Variants in ST6GAL1 observed in about 807,000 individuals in gnomAD.
ST6GAL1 encodes ST6 beta-galactoside alpha-2,6-sialyltransferase 1.
ST6GAL1 carries 20 observed loss-of-function variants against 38.0 expected under a neutral mutation model. The observed-to-expected ratio is 0.53, with a 90% CI of 0.37 to 0.77. ST6GAL1 has a LOEUF of 0.77. Among genes scored for constraint, ST6GAL1 ranks in the 30% least tolerant of loss-of-function variants. The pLI is 0.00. For synonymous variants in ST6GAL1, 196 were observed against 188.2 expected (o/e 1.04, Z -0.34); for missense variants, 432 against 496.4 (o/e 0.87, Z 1.23).
In ST6GAL1 at chr3:187,073,993, C is replaced by T. The variant is rs566021186; in HGVS notation, c.805-166C>T. Reference sequence around the variant, plus strand: ...CCACCCTGCTATCCAGTGAAACCTGCGGCTGGAAGAGAAACCTGTAGTCTG... The same window carrying T: ...CCACCCTGCTATCCAGTGAAACCTGTGGCTGGAAGAGAAACCTGTAGTCTG... On this transcript the variant is annotated intron_variant, in intron 6 of 7. Transcript: ENST00000169298. 5.1e-5 allele frequency: 29 copies of T among 567,878 alleles called. No homozygotes were observed. In the East Asian group the frequency reaches 7.7e-4, roughly 15 times the overall value. The allele number at this position is 567,878 out of a possible 1,614,324, so 35.2% of individuals were successfully genotyped here. A position where few individuals can be genotyped will look rare whatever the true frequency, so the allele number is the denominator to read the frequency against.
chr3:187,051,460 C>T, intron 5 of ST6GAL1, 114 bp downstream of exon 5: 2 of 843,720 alleles, frequency 2.4e-6, no homozygotes, highest in Non-Finnish European at 3.8e-6. Context: ...TCTTGATCTT[C>T]CTGAGTTCCT....
At chr3:187,024,154 G>A (rs1717432487) in intron 2 of ST6GAL1, among the ~76,000 whole-genome samples, 1 of 151,942 alleles carries the variant, frequency 6.6e-6, no homozygotes, top group East Asian at 1.9e-4. Context: ...GAGTACAGTG[G>A]CATGATCTCT....
Position 187,043,226 on chromosome 3 carries a change from AG to A in ST6GAL1, c.525del (p.Thr176ProfsTer18). The part of the protein sequence containing the change: ...WEGYLPKESI[R>X]TKAGPWGRCA... ...GGGTTATCTGCCCAAGGAGAGCATT[AG>A]GACCAAGGCTGGGCCTTGGGGCAGG... is the stretch of plus-strand genomic sequence containing the variant. On this transcript the variant is annotated frameshift_variant, in exon 4 of 8. Coordinates refer to ENST00000169298, the MANE Select transcript of ST6GAL1 (RefSeq NM_173216.2). LOFTEE classifies it high-confidence loss of function. 6.2e-7 allele frequency: 1 copy of A among 1,614,234 alleles called. No individual in the cohort carries two copies. The highest frequency in any genetic ancestry group is 8.5e-7 in the Non-Finnish European group (1 of 1,180,040).
chr3:186,948,528 AGTGTGTGTGTGTGTGTGTGTGTGT>A (rs36234165), intron 1 of ST6GAL1, among the ~76,000 whole-genome samples: 5 of 146,296 alleles, frequency 3.4e-5, no homozygotes, highest in Admixed American at 6.9e-5. Context: ...CAGAAACTCT[AGTGTGTGTGTGTGTGTGTGTGTGT>A]GTGTGTGTGT....
At chr3:186,991,981 C>G (rs1175531968) in intron 2 of ST6GAL1, among the ~76,000 whole-genome samples, 1 of 152,194 alleles carries the variant, frequency 6.6e-6, no homozygotes, top group African/African-American at 2.4e-5. Flanking sequence ...AGCTGACCTC[C>G]CATATGGCCA....
At position 187,065,487 on chromosome 3, in the gene ST6GAL1, A is replaced by T. The variant is rs1490492307; in HGVS notation, c.706-7362A>T. Among the ~76,000 whole-genome samples, 3 of 152,244 alleles carry T rather than the reference A, an allele frequency of 2.0e-5. No homozygotes were observed. The East Asian group carries it at 5.8e-4, about 29-fold the overall frequency. ...GTCAGGCATGTGACACTTCTGTGCC[A>T]GGTGTGGCTATGAGAGTCAACAGGA... On this transcript the variant is annotated intron_variant, in intron 5 of 7. Transcript: ENST00000169298.
rs1009498422 is a variant in ST6GAL1, at chr3:187,046,404, C to G, written c.607+3094C>G. On this transcript the variant is annotated intron_variant, in intron 4 of 7. Coordinates refer to ENST00000169298, the MANE Select transcript of ST6GAL1 (RefSeq NM_173216.2). ...GGGTAGATATCTATGCTGTTGAGTA[C>G]TTAATTCTAGAGAAGGATCAGATAT... is the stretch of plus-strand genomic sequence containing the variant. Among the ~76,000 whole-genome samples, 3 of 152,240 alleles carry G rather than the reference C, an allele frequency of 2.0e-5. No homozygotes were observed. The East Asian group carries it at 5.8e-4, about 29-fold the overall frequency.
chr3:187,071,792 A>AAG (rs996991113), intron 5 of ST6GAL1, among the ~76,000 whole-genome samples: 2 of 150,058 alleles, frequency 1.3e-5, no homozygotes, highest in African/African-American at 4.9e-5. Context: ...AAAAAAAAAA[A>AAG]AAAGAAAAAG....
intron 3 of ST6GAL1, among the ~76,000 whole-genome samples, chr3:187,041,199 T>G (rs1328997365): frequency 1.3e-5 from 2 of 152,216 alleles, no homozygotes; most frequent in African/African-American, 4.8e-5. Flanking sequence ...ATAATTATTC[T>G]GAAAAACTCA....
chr3:186,988,891 G>T (rs1269970675), intron 2 of ST6GAL1, among the ~76,000 whole-genome samples: 1 of 152,044 alleles, frequency 6.6e-6, no homozygotes, highest in African/African-American at 2.4e-5. Flanking sequence ...TTCAGCCTGG[G>T]CGACAGAGCC....
chr3:187,060,424 G>A (rs1379138806), intron 5 of ST6GAL1, among the ~76,000 whole-genome samples: 1 of 152,140 alleles, frequency 6.6e-6, no homozygotes, highest in Non-Finnish European at 1.5e-5. Flanking sequence ...GCCTCCCAAA[G>A]TGCTGGGATT....
intron 2 of ST6GAL1, among the ~76,000 whole-genome samples, chr3:186,970,411 G>C (rs1715309145): frequency 6.6e-6 from 1 of 150,376 alleles, no homozygotes; most frequent in Non-Finnish European, 1.5e-5. Flanking sequence ...TTTTAGTGGA[G>C]ACAAGGTTTC....
chr3:187,004,802 A>G (rs1716728227), intron 2 of ST6GAL1, among the ~76,000 whole-genome samples: 1 of 152,202 alleles, frequency 6.6e-6, no homozygotes, highest in African/African-American at 2.4e-5. Context: ...TCCTTTAGAG[A>G]AATTGATTGA....
intron 2 of ST6GAL1, among the ~76,000 whole-genome samples, chr3:187,025,036 T>C (rs1307492605): frequency 6.6e-6 from 1 of 151,816 alleles, no homozygotes; most frequent in African/African-American, 2.4e-5. Flanking sequence ...TGTGTGTGTC[T>C]CACAGTGTAG....
chr3:186,949,297 C>T (rs1467025136), intron 1 of ST6GAL1, among the ~76,000 whole-genome samples: 1 of 152,152 alleles, frequency 6.6e-6, no homozygotes, highest in Non-Finnish European at 1.5e-5. Flanking sequence ...ACGTGGCAGC[C>T]AGGCTGAGTT....
In ST6GAL1 at chr3:187,006,977, C is replaced by A. The variant is rs75726680; in HGVS notation, c.-182-31765C>A. ...TGAAACATGGATGAGAAGTAAATTG[C>A]TGAGAAGGATGAGTTGCTAGTACAG... is the stretch of plus-strand genomic sequence containing the variant. On this transcript the variant is annotated intron_variant, in intron 2 of 7. Transcript: ENST00000169298. 7.1e-3 allele frequency among the ~76,000 whole-genome samples: 1,085 copies of A among 152,182 alleles called. 17 individuals carry two copies. The highest frequency in any genetic ancestry group is 0.025 in the African/African-American group (1,041 of 41,502).
chr3:187,022,782 C>T (rs1717376977), intron 2 of ST6GAL1, among the ~76,000 whole-genome samples: 1 of 152,160 alleles, frequency 6.6e-6, no homozygotes, highest in African/African-American at 2.4e-5. Flanking sequence ...TAATTTCCTT[C>T]AGAGTCTGCT....
At chr3:186,991,388 C>T (rs73189704) in intron 2 of ST6GAL1, among the ~76,000 whole-genome samples, 42 of 152,188 alleles carry the variant, frequency 2.8e-4, no homozygotes, top group African/African-American at 8.7e-4. Context: ...CTGTGAGGGG[C>T]GCTGTCTTGG....
intron 2 of ST6GAL1, among the ~76,000 whole-genome samples, chr3:186,982,018 A>C (rs1410369829): frequency 6.6e-6 from 1 of 152,226 alleles, no homozygotes; most frequent in Non-Finnish European, 1.5e-5. Context: ...ACGCTATGAT[A>C]CAGGTCACAC....
Sources: gnomAD v4.1 joint callset for allele counts (sites outside exome capture counted in the v4.1 genomes callset) on GRCh38, gnomAD v4.1.1 for gene constraint, MANE v1.5 for transcripts, NCBI Gene and HGNC (gene_info 2026-07-23, HGNC 2026-07-21) for gene names.